The following DLC1 variants were observed in gnomAD, a reference collection of about 807,000 sequenced individuals.
The protein encoded by DLC1 is rho GTPase-activating protein 7.
DLC1 carries 54 observed loss-of-function variants against 140.3 expected under a neutral mutation model. The observed-to-expected ratio is 0.38, with a 90% CI of 0.31 to 0.48. The LOEUF is 0.48. Ranked by LOEUF, DLC1 falls within the 20% of genes least tolerant of loss-of-function variation. The pLI is 0.96. For synonymous variants in DLC1, 986 were observed against 728.1 expected (o/e 1.35, Z -5.70); for missense variants, 2,536 against 1,907.0 (o/e 1.33, Z -6.14).
chr8:13,157,076 T>G (rs1385139533), intron 5 of DLC1, among the ~76,000 whole-genome samples: 1 of 152,202 alleles, frequency 6.6e-6, no homozygotes, highest in African/African-American at 2.4e-5. Context: ...TTTTGGAACT[T>G]TGTCATGCGT....
intron 4 of DLC1, among the ~76,000 whole-genome samples, chr8:13,352,157 C>T (rs772716231): frequency 2.0e-5 from 3 of 152,174 alleles, no homozygotes; most frequent in Admixed American, 2.0e-4. Flanking sequence ...ATGAAAGCAT[C>T]AGTCATTGTG....
rs182439067 is a variant in DLC1 at position 13,363,464 on chromosome 8, T to C, written c.1314+30089A>G. The stretch of plus-strand genomic sequence containing the variant: ...ACAACATTGAAGCTCAGATAACAAA[T>C]TGGTCTCAGGTCATAAAGCTGGTGA... On this transcript the variant is annotated intron_variant, in intron 4 of 17. Coordinates refer to ENST00000276297, the MANE Select transcript of DLC1 (RefSeq NM_182643.3). Among the ~76,000 whole-genome samples the C allele has an allele frequency of 2.9e-3, 433 of 151,672 alleles. 3 individuals are homozygous for C. The highest frequency in any genetic ancestry group is 0.01 in the African/African-American group (418 of 41,346).
In DLC1 at chr8:13,099,888, T is replaced by A; in HGVS notation, c.2449A>T (p.Thr817Ser). The stretch of plus-strand genomic sequence containing the variant: ...CCATTGGTGAGAGCTTTGGGGAAAG[T>A]GCCAGGCTTGTGATCTTCAGGGATG... Reference protein sequence around the residue: ...FYIPEDHKPGTFPKALTNGSF... With the variant: ...FYIPEDHKPGSFPKALTNGSF... The change falls in exon 9 of 18, where the codon ACT (threonine) becomes TCT (serine). Residue 817 changes from threonine to serine, a missense_variant. Transcript: ENST00000276297. 1 of 1,614,164 alleles carries A rather than the reference T, an allele frequency of 6.2e-7. No homozygotes were observed. The highest frequency in any genetic ancestry group is 8.5e-7 in the Non-Finnish European group (1 of 1,180,038).
At chr8:13,234,877 A>G (rs1255586720) in intron 5 of DLC1, among the ~76,000 whole-genome samples, 1 of 152,130 alleles carries the variant, frequency 6.6e-6, no homozygotes, top group Admixed American at 6.5e-5. Flanking sequence ...AACCAAAACA[A>G]AACAACTGAT....
chr8:13,417,134 C>T (rs1158800487), intron 2 of DLC1, among the ~76,000 whole-genome samples: 1 of 152,060 alleles, frequency 6.6e-6, no homozygotes, highest in Non-Finnish European at 1.5e-5. Context: ...TAGACTAAAG[C>T]AACACGATGG....
At chr8:13,102,760 CT>C (rs1259158250) in intron 8 of DLC1, 29 bp downstream of exon 8, 5 of 1,596,720 alleles carry the variant, frequency 3.1e-6, no homozygotes, top group Non-Finnish European at 4.3e-6. Context: ...CCTTTTCCCC[CT>C]CATTCTATTA....
chr8:13,295,938 C>CTTCT (rs1831926455), intron 5 of DLC1, among the ~76,000 whole-genome samples: 4 of 53,344 alleles, frequency 7.5e-5, no homozygotes, highest in African/African-American at 2.9e-4. Flanking sequence ...AGATAAGATT[C>CTTCT]TTTGTTTTTT....
intron 5 of DLC1, among the ~76,000 whole-genome samples, chr8:13,206,872 A>G (rs2117090899): frequency 6.6e-6 from 1 of 152,212 alleles, no homozygotes; most frequent in East Asian, 1.9e-4. Flanking sequence ...TTTTTTTACA[A>G]AAATCAAATA....
intron 4 of DLC1, among the ~76,000 whole-genome samples, chr8:13,384,257 C>A (rs9693513): frequency 2.6e-5 from 4 of 152,176 alleles, no homozygotes; most frequent in African/African-American, 7.2e-5. Context: ...AAGGTGCTAG[C>A]AAGTGATGTA....
At chr8:13,464,071 T>C (rs981170566) in intron 2 of DLC1, among the ~76,000 whole-genome samples, 2 of 152,148 alleles carry the variant, frequency 1.3e-5, no homozygotes, top group Non-Finnish European at 2.9e-5. Flanking sequence ...GCAGGGCACA[T>C]TGATGTGGGC....
At chr8:13,249,325 G>A (rs1441046135) in intron 5 of DLC1, among the ~76,000 whole-genome samples, 5 of 152,104 alleles carry the variant, frequency 3.3e-5, no homozygotes, top group South Asian at 2.1e-4. Flanking sequence ...CAATCCACCC[G>A]CCTCAGCCTC....
chr8:13,346,808 T>C (rs1674824922), intron 4 of DLC1, among the ~76,000 whole-genome samples: 1 of 152,198 alleles, frequency 6.6e-6, no homozygotes, highest in Non-Finnish European at 1.5e-5. Flanking sequence ...TCTGACAAGG[T>C]TCTATCTCCT....
At chr8:13,304,653 C>T (rs1253709574) in intron 5 of DLC1, 1 of 933,430 alleles carries the variant, frequency 1.1e-6, no homozygotes, top group South Asian at 5.0e-5. Flanking sequence ...TTTTATTACA[C>T]AGAACACATA....
chr8:13,090,399 T>G lies in DLC1; in HGVS notation c.3927A>C (p.Ala1309=). 1 of 1,614,138 alleles carries G rather than the reference T, an allele frequency of 6.2e-7. No homozygotes were observed. The highest frequency in any genetic ancestry group is 8.5e-7 in the Non-Finnish European group (1 of 1,180,046). ...EQELKPLTLE[A]LGHLGNDDSA... ...AGTCATCATTACCCAGGTGCCCGAG[T>G]GCTTCCAGAGTGAGGGGCTTCAGCT... is the stretch of plus-strand genomic sequence containing the variant. Residue 1309 remains alanine, a synonymous_variant, in exon 15 of 18, where the codon GCA becomes GCC. Coordinates refer to ENST00000276297, the MANE Select transcript of DLC1 (RefSeq NM_182643.3).
At chr8:13,143,798 G>C (rs1300629247) in intron 5 of DLC1, among the ~76,000 whole-genome samples, 2 of 144,238 alleles carry the variant, frequency 1.4e-5, no homozygotes, top group Non-Finnish European at 3.0e-5. Flanking sequence ...GATGTTGAAA[G>C]ACCAAATGAA....
At chr8:13,403,734 G>A (rs1004190830) in intron 2 of DLC1, among the ~76,000 whole-genome samples, 3 of 151,532 alleles carry the variant, frequency 2.0e-5, no homozygotes, top group Admixed American at 1.3e-4. Context: ...TGGATCTCTC[G>A]GGATCCAAGT....
chr8:13,120,144 A>G (rs918512056), intron 5 of DLC1, among the ~76,000 whole-genome samples: 6 of 151,086 alleles, frequency 4.0e-5, no homozygotes, highest in Non-Finnish European at 7.4e-5. Context: ...GGAGTTCGAG[A>G]CCAGCCTGGC....
chr8:13,402,561 G>A (rs1837344521), intron 2 of DLC1, among the ~76,000 whole-genome samples: 1 of 152,200 alleles, frequency 6.6e-6, no homozygotes, highest in African/African-American at 2.4e-5. Context: ...CATCATTTGT[G>A]ACTTATGTTG....
intron 12 of DLC1, among the ~76,000 whole-genome samples, chr8:13,093,423 T>C (rs113689188): frequency 0.032 from 4,930 of 152,206 alleles, 278 homozygotes; most frequent in African/African-American, 0.11. Context: ...TAAAACACAC[T>C]GAATTAGTAA....
Sources: gnomAD v4.1 joint callset for allele counts (sites outside exome capture counted in the v4.1 genomes callset) on GRCh38, gnomAD v4.1.1 for gene constraint, MANE v1.5 for transcripts, NCBI Gene and HGNC (gene_info 2026-07-23, HGNC 2026-07-21) for gene names.